Variants in NAV3 observed in about 807,000 individuals in gnomAD.
The protein encoded by NAV3 is pore membrane and/or filament interacting like protein 1.
A neutral mutation model predicts 244.7 loss-of-function variants in NAV3; 87 were observed. That is an observed-to-expected ratio of 0.36 (90% CI 0.30 to 0.42). The LOEUF (loss-of-function observed/expected upper bound fraction) is 0.42, where lower values mean the gene tolerates loss of function less well. Among genes scored for constraint, NAV3 ranks in the 20% least tolerant of loss-of-function variants. NAV3 has a pLI of 1.00. For missense variants in NAV3, 2,663 were observed against 2,893.3 expected (o/e 0.92, Z 1.83); for synonymous variants, 1,126 against 1,042.2 (o/e 1.08, Z -1.55).
chr12:78,129,950 A>G (rs1956090552), intron 18 of NAV3, among the ~76,000 whole-genome samples: 1 of 152,178 alleles, frequency 6.6e-6, no homozygotes, highest in Non-Finnish European at 1.5e-5. Context: ...AAAACCTTAT[A>G]TTTTCTAAAC....
At chr12:78,173,675 T>C (rs750306089) in intron 24 of NAV3, among the ~76,000 whole-genome samples, 17 of 151,424 alleles carry the variant, frequency 1.1e-4, no homozygotes, top group Admixed American at 6.6e-5. Flanking sequence ...TGTTTTGGCA[T>C]GCAAAACCAG....
chr12:77,632,295 C>T (rs530144295), intron 2 of NAV3, among the ~76,000 whole-genome samples: 6 of 152,180 alleles, frequency 3.9e-5, no homozygotes, highest in African/African-American at 1.2e-4. Context: ...TGTATTAGCC[C>T]GTTTTCACAC....
At chr12:77,596,237 G>A (rs1565729878) in intron 2 of NAV3, among the ~76,000 whole-genome samples, 1 of 152,152 alleles carries the variant, frequency 6.6e-6, no homozygotes, top group Non-Finnish European at 1.5e-5. Context: ...AGTTGCTGAG[G>A]AGATAAATGA....
At chr12:78,024,712 T>G (rs912702632) in intron 9 of NAV3, among the ~76,000 whole-genome samples, 2 of 152,146 alleles carry the variant, frequency 1.3e-5, no homozygotes, top group African/African-American at 4.8e-5. Flanking sequence ...GTGCGGTGTC[T>G]CACACCTGTA....
chr12:77,732,689 T>C (rs1021524104), intron 2 of NAV3, among the ~76,000 whole-genome samples: 2 of 152,024 alleles, frequency 1.3e-5, no homozygotes, highest in Non-Finnish European at 2.9e-5. Flanking sequence ...GAGGCACATA[T>C]AGTTTAACTG....
chr12:78,138,700 A>C (rs964961363), intron 19 of NAV3, among the ~76,000 whole-genome samples: 4 of 152,138 alleles, frequency 2.6e-5, no homozygotes, highest in African/African-American at 4.8e-5. Context: ...TAATTTGCTA[A>C]GCATACAGAT....
chr12:78,126,978 A>G (rs1202903565), intron 16 of NAV3, among the ~76,000 whole-genome samples, 189 bp from the exon 17 acceptor site: 3 of 152,216 alleles, frequency 2.0e-5, no homozygotes, highest in Non-Finnish European at 2.9e-5. Context: ...TGCATTAGAA[A>G]GGAACTCAAA....
At chr12:77,639,447 A>G (rs891223662) in intron 2 of NAV3, among the ~76,000 whole-genome samples, 1 of 152,136 alleles carries the variant, frequency 6.6e-6, no homozygotes, top group Non-Finnish European at 1.5e-5. Flanking sequence ...TTATATACTC[A>G]CTGGTTTATT....
rs569877693 is a variant in NAV3, at chr12:77,689,349, A to G, written c.72+117083A>G. On this transcript the variant is annotated intron_variant, in intron 2 of 8. Coordinates refer to the NAV3 transcript ENST00000550042. ...CATCCAAGATTCCATTTTAGAACAT[A>G]TCTTGTCTTCTACCAGTGGTTGAAG... Among the ~76,000 whole-genome samples the G allele has an allele frequency of 3.7e-4, 56 of 152,056 alleles. 1 individual carries two copies. The South Asian group carries it at 0.011, about 29-fold the overall frequency.
At chr12:77,703,006 T>A (rs1019968043) in intron 2 of NAV3, among the ~76,000 whole-genome samples, 2 of 152,052 alleles carry the variant, frequency 1.3e-5, no homozygotes, top group African/African-American at 4.8e-5. Flanking sequence ...GGTTAATGTC[T>A]TTATTTTTTT....
intron 2 of NAV3, among the ~76,000 whole-genome samples, chr12:77,696,439 A>C (rs554421574): frequency 1.3e-5 from 2 of 152,236 alleles, no homozygotes; most frequent in Admixed American, 1.3e-4. Flanking sequence ...CCTACAAATA[A>C]CTGAATTTTG....
chr12:78,097,648 CT>C (rs1954323692), intron 12 of NAV3, among the ~76,000 whole-genome samples: 1 of 151,988 alleles, frequency 6.6e-6, no homozygotes, highest in Admixed American at 6.6e-5. Flanking sequence ...ATGGTTAATA[CT>C]TTTGTAATTT....
rs1871691585 is a variant in NAV3 at position 77,627,542 on chromosome 12, C to T, written c.72+55276C>T. 2.0e-5 allele frequency among the ~76,000 whole-genome samples: 3 copies of T among 152,064 alleles called. No individual in the cohort carries two copies. The South Asian group carries it at 6.2e-4, about 32-fold the overall frequency. ...ACATTCCTGGACACATACAACCTTCCAAGACTGAACCAGGAAGAAATAGAA... is the reference window on the plus strand; with the variant it reads ...ACATTCCTGGACACATACAACCTTCTAAGACTGAACCAGGAAGAAATAGAA... On this transcript the variant is annotated intron_variant, in intron 2 of 8. Transcript: ENST00000550042.
chr12:78,149,851 A>AT (rs527311149), intron 22 of NAV3, among the ~76,000 whole-genome samples: 1 of 151,978 alleles, frequency 6.6e-6, no homozygotes, highest in Admixed American at 6.6e-5. Context: ...CCATTTTTAA[A>AT]TTTTTTTTAA....
At chr12:77,583,632 C>G (rs1869468361) in intron 2 of NAV3, among the ~76,000 whole-genome samples, 1 of 152,114 alleles carries the variant, frequency 6.6e-6, no homozygotes, top group South Asian at 2.1e-4. Flanking sequence ...TGAATTTCTT[C>G]CATATCCATC....
intron 2 of NAV3, among the ~76,000 whole-genome samples, chr12:77,610,432 C>A (rs552922314): frequency 1.7e-3 from 261 of 152,012 alleles, no homozygotes; most frequent in African/African-American, 6.1e-3. Flanking sequence ...TGCTAATGGG[C>A]AAATAAATAG....
At chr12:78,004,766 T>A (rs189692376) in intron 7 of NAV3, among the ~76,000 whole-genome samples, 16 of 152,292 alleles carry the variant, frequency 1.1e-4, no homozygotes, top group Non-Finnish European at 2.2e-4. Context: ...ATCTGAAGCA[T>A]CTCATTGCCT....
At chr12:77,754,755 C>T (rs1869041495) in intron 2 of NAV3, among the ~76,000 whole-genome samples, 1 of 152,062 alleles carries the variant, frequency 6.6e-6, no homozygotes, top group South Asian at 2.1e-4. Context: ...GCTGTTTATG[C>T]GAAACTTTGC....
At chr12:77,836,268 T>C (rs1205977985) in intron 1 of NAV3, among the ~76,000 whole-genome samples, 2 of 152,202 alleles carry the variant, frequency 1.3e-5, no homozygotes, top group African/African-American at 4.8e-5. Flanking sequence ...TTCTTGGCCA[T>C]ACTTACTGTG....
Sources: gnomAD v4.1 joint callset for allele counts (sites outside exome capture counted in the v4.1 genomes callset) on GRCh38, gnomAD v4.1.1 for gene constraint, MANE v1.5 for transcripts, NCBI Gene and HGNC (gene_info 2026-07-23, HGNC 2026-07-21) for gene names.